Variants in PARD3B observed in about 807,000 individuals in gnomAD.
PARD3B encodes partitioning defective 3 homolog B.
In PARD3B, 103 loss-of-function variants were observed where a neutral mutation model predicts 130.2. The ratio of observed to expected loss-of-function variants is 0.79; its 90% CI spans 0.67 to 0.93. The LOEUF is 0.93. PARD3B is among the 40% of genes least tolerant of loss of function. The pLI is 0.00. For missense variants in PARD3B, 1,609 were observed against 1,499.2 expected, an observed-to-expected ratio of 1.07 and a Z score of -1.21; for synonymous variants, 583 against 553.2, an observed-to-expected ratio of 1.05 and a Z score of -0.76.
At chr2:204,849,686 A>G (rs1009197465) in intron 2 of PARD3B, among the ~76,000 whole-genome samples, 1 of 152,234 alleles carries the variant, frequency 6.6e-6, no homozygotes, top group South Asian at 2.1e-4. Flanking sequence ...AGCATTTATC[A>G]GAAAGAAAAT....
intron 1 of PARD3B, among the ~76,000 whole-genome samples, chr2:204,601,914 T>C (rs2033531486): frequency 6.6e-6 from 1 of 152,032 alleles, no homozygotes; most frequent in African/African-American, 2.4e-5. Context: ...ATATAAGCTG[T>C]TTGTGTTTCT....
At chr2:204,618,959 C>A (rs753758344) in intron 1 of PARD3B, among the ~76,000 whole-genome samples, 32 of 152,000 alleles carry the variant, frequency 2.1e-4, no homozygotes, top group Admixed American at 3.9e-4. Flanking sequence ...ATAAATGATT[C>A]TTTTTGTTTT....
At chr2:205,231,327 C>CTT (rs2038822310) in intron 15 of PARD3B, among the ~76,000 whole-genome samples, 1 of 146,626 alleles carries the variant, frequency 6.8e-6, no homozygotes, top group African/African-American at 2.6e-5. Flanking sequence ...AGTAGATTAA[C>CTT]TATTTTTTTT....
rs966879533 is a variant in PARD3B, at chr2:205,407,970, G to GA, written c.2741+6855dup. Among the ~76,000 whole-genome samples, 6 of 151,874 alleles carry GA rather than the reference G, an allele frequency of 4.0e-5. No individual in the cohort carries two copies. Among genetic ancestry groups the GA allele is most frequent in the Non-Finnish European group, 8.8e-5 (6 of 67,934 alleles). ...TAGCAGGATACATGAGGAGATGGGA[G>GA]AAAAAAAAGATCCAACCTCTTCAGC... On this transcript the variant is annotated intron_variant, in intron 19 of 22. Coordinates refer to ENST00000406610, the MANE Select transcript of PARD3B (RefSeq NM_001302769.2). The surrounding 1 kb of genome is among the most constrained non-coding windows in gnomAD (Gnocchi z 4.1).
At chr2:204,622,017 A>T (rs1270922613) in intron 1 of PARD3B, among the ~76,000 whole-genome samples, 1 of 152,126 alleles carries the variant, frequency 6.6e-6, no homozygotes, top group Non-Finnish European at 1.5e-5. Flanking sequence ...CAAGGGGGTG[A>T]GGGGCAGAGG....
intron 2 of PARD3B, among the ~76,000 whole-genome samples, chr2:204,800,926 G>A (rs1027062144): frequency 1.6e-4 from 24 of 151,944 alleles, no homozygotes; most frequent in East Asian, 3.9e-4. Context: ...AGTTTTCCTC[G>A]TATGGCTAGC....
intron 1 of PARD3B, among the ~76,000 whole-genome samples, chr2:204,597,436 GGGAACTACA>G (rs2033345741): frequency 2.0e-5 from 3 of 152,264 alleles, no homozygotes; most frequent in Middle Eastern, 3.4e-3. Context: ...GTAATGTGAT[GGGAACTACA>G]GGAAGCCAGT....
intron 2 of PARD3B, among the ~76,000 whole-genome samples, chr2:204,892,528 C>T (rs1481212696): frequency 1.3e-5 from 2 of 152,130 alleles, no homozygotes; most frequent in Non-Finnish European, 2.9e-5. Context: ...GTAAAACACA[C>T]ATGGATTTTG....
intron 21 of PARD3B, among the ~76,000 whole-genome samples, chr2:205,526,337 A>T (rs1027875586): frequency 6.6e-6 from 1 of 152,206 alleles, no homozygotes; most frequent in Non-Finnish European, 1.5e-5. Flanking sequence ...GTAGTGACAG[A>T]ACCTTGCCTT....
At chr2:204,910,703 G>C (rs2047202042) in intron 2 of PARD3B, among the ~76,000 whole-genome samples, 1 of 152,140 alleles carries the variant, frequency 6.6e-6, no homozygotes, top group Non-Finnish European at 1.5e-5. Flanking sequence ...GCAGCGGCGT[G>C]ATCTCGGCTC....
At chr2:205,218,475 C>T (rs1357623407) in intron 15 of PARD3B, among the ~76,000 whole-genome samples, 2 of 151,972 alleles carry the variant, frequency 1.3e-5, no homozygotes, top group Non-Finnish European at 2.9e-5. Flanking sequence ...ATATCAATTG[C>T]AAAAAGGTTA....
In PARD3B at chr2:205,158,433, C is replaced by A. The variant is rs2125712306; in HGVS notation, c.1435-289C>A. 6.6e-6 allele frequency among the ~76,000 whole-genome samples: 1 copy of A among 152,230 alleles called. No homozygotes were observed. The highest frequency in any genetic ancestry group is 2.1e-4 in the South Asian group (1 of 4,818). ...TATGGAGAATATCTTAGTAAATTTC[C>A]AAAGGCTTGCGAGGTGTTTCAGATT... is the stretch of plus-strand genomic sequence containing the variant. On this transcript the variant is annotated intron_variant, in intron 10 of 22. Transcript: ENST00000406610. The surrounding 1 kb of genome is among the most constrained non-coding windows in gnomAD (Gnocchi z 5.4).
chr2:205,365,245 G>A (rs984816406), intron 18 of PARD3B, among the ~76,000 whole-genome samples: 7 of 151,300 alleles, frequency 4.6e-5, no homozygotes, highest in Non-Finnish European at 1.0e-4. Context: ...GGTGGCAGGC[G>A]CCTGTAATCC....
rs576731574 is a variant in PARD3B at position 204,898,641 on chromosome 2, G to A, written c.223-66511G>A. Among the ~76,000 whole-genome samples the A allele has an allele frequency of 4.6e-5, 7 of 152,272 alleles. No homozygotes were observed. In the South Asian group the frequency reaches 1.5e-3, roughly 32 times the overall value. On this transcript the variant is annotated intron_variant, in intron 2 of 22. Transcript: ENST00000406610. ...TGTAAATATCTATTAGGTACATTTG[G>A]TCTGTAGTGAAGATTAACTCCAGTA...
In PARD3B at chr2:205,538,750, G is replaced by A. The variant is rs531102581; in HGVS notation, c.3181-14574G>A. ...GGGGCTCATGGAAATGAACTCTACAGGGCAGGGAAGAAATCCTCTCCAAGT... is the reference window on the plus strand; with the variant it reads ...GGGGCTCATGGAAATGAACTCTACAAGGCAGGGAAGAAATCCTCTCCAAGT... On this transcript the variant is annotated intron_variant, in intron 21 of 22. Transcript: ENST00000406610. 4.6e-5 allele frequency among the ~76,000 whole-genome samples: 7 copies of A among 152,250 alleles called. No homozygotes were observed. The South Asian group carries it at 1.2e-3, about 27-fold the overall frequency.
intron 18 of PARD3B, among the ~76,000 whole-genome samples, chr2:205,391,701 G>A (rs2045865438): frequency 6.6e-6 from 1 of 152,104 alleles, no homozygotes; most frequent in Non-Finnish European, 1.5e-5. Flanking sequence ...AAAGCAGAGG[G>A]GTAGAATAAC....
chr2:204,924,809 C>T (rs114693981), intron 2 of PARD3B, among the ~76,000 whole-genome samples: 3,144 of 151,890 alleles, frequency 0.021, 117 homozygotes, highest in African/African-American at 0.072. Context: ...ATGTAAGTGC[C>T]GAATTGGATT....
At chr2:205,399,540 A>T (rs1409627960) in intron 18 of PARD3B, among the ~76,000 whole-genome samples, 1 of 151,930 alleles carries the variant, frequency 6.6e-6, no homozygotes, top group Non-Finnish European at 1.5e-5. Flanking sequence ...TTTTTAGTAG[A>T]GACAGGGTTT....
chr2:205,285,968 T>A (rs2041380602), intron 16 of PARD3B, among the ~76,000 whole-genome samples: 1 of 152,178 alleles, frequency 6.6e-6, no homozygotes, highest in African/African-American at 2.4e-5. Context: ...TAGAGTACAC[T>A]GCAGCTTTGT....
Sources: allele counts gnomAD v4.1 joint callset (sites outside exome capture counted in the v4.1 genomes callset), GRCh38; gene constraint gnomAD v4.1.1; non-coding constraint Gnocchi (gnomAD v3.1); transcripts MANE v1.5; gene names NCBI Gene and HGNC (gene_info 2026-07-23, HGNC 2026-07-21).